MAGI1: variants seen among roughly 807,000 people sequenced by gnomAD.
MAGI1 encodes membrane-associated guanylate kinase, WW and PDZ domain-containing protein 1.
A neutral mutation model predicts 139.9 loss-of-function variants in MAGI1; 58 were observed. That is an observed-to-expected ratio of 0.41 (90% confidence interval 0.34 to 0.52). MAGI1 has a LOEUF of 0.52. MAGI1 is among the 20% of genes least tolerant of loss of function. The probability of loss-of-function intolerance (pLI) is 0.12; values close to 1 mark genes in which losing one functional copy is unlikely to be tolerated. For missense variants in MAGI1, 1,874 were observed against 1,901.6 expected (o/e 0.99, Z 0.27); for synonymous variants, 812 against 737.9 (o/e 1.10, Z -1.63).
rs148085205 is a variant in MAGI1 at position 65,459,902 on chromosome 3, G to A, written c.960-6562C>T. Among the ~76,000 whole-genome samples the A allele has an allele frequency of 4.8e-3, 729 of 152,098 alleles. 4 individuals carry two copies. The highest frequency in any genetic ancestry group is 0.017 in the African/African-American group (699 of 41,474). Reference sequence around the variant, plus strand: ...TTAACACCACTGCACTCCAACATGGGCAACAGGAGTGAGACCCTGTCTCAA... The same window carrying A: ...TTAACACCACTGCACTCCAACATGGACAACAGGAGTGAGACCCTGTCTCAA... On this transcript the variant is annotated intron_variant, in intron 5 of 22. Coordinates refer to ENST00000402939, the MANE Select transcript of MAGI1 (RefSeq NM_001033057.2).
At chr3:65,618,536 C>A (rs527955377) in intron 2 of MAGI1, among the ~76,000 whole-genome samples, 43 of 152,166 alleles carry the variant, frequency 2.8e-4, no homozygotes, top group Non-Finnish European at 5.9e-4. Flanking sequence ...TTATTTTAAG[C>A]AACTAGAGCT....
intron 1 of MAGI1, among the ~76,000 whole-genome samples, chr3:65,729,084 T>C (rs1486491122): frequency 1.7e-5 from 2 of 119,510 alleles, no homozygotes; most frequent in African/African-American, 3.2e-5. Flanking sequence ...TAAAAACAAA[T>C]CTGTCCTACA....
At chr3:65,785,203 T>C (rs1360188216) in intron 1 of MAGI1, among the ~76,000 whole-genome samples, 2 of 147,770 alleles carry the variant, frequency 1.4e-5, no homozygotes, top group Admixed American at 1.3e-4. Context: ...AATTTTTATT[T>C]AAGGAAGTAG....
chr3:65,580,440 A>T (rs2081365124), intron 2 of MAGI1, among the ~76,000 whole-genome samples: 1 of 152,180 alleles, frequency 6.6e-6, no homozygotes, highest in Non-Finnish European at 1.5e-5. Flanking sequence ...GCAAATCGAT[A>T]CACAGTGACC....
chr3:65,845,375 T>C (rs80304869), intron 1 of MAGI1, among the ~76,000 whole-genome samples: 2,535 of 152,150 alleles, frequency 0.017, 69 homozygotes, highest in African/African-American at 0.054. Context: ...TATCTGACCA[T>C]CACTTACTAT....
At chr3:65,613,982 C>T (rs1197729210) in intron 2 of MAGI1, among the ~76,000 whole-genome samples, 1 of 152,136 alleles carries the variant, frequency 6.6e-6, no homozygotes, top group African/African-American at 2.4e-5. Flanking sequence ...TACAAAGTAT[C>T]AAGCTCATGG....
chr3:65,725,325 A>C (rs1421290514), intron 1 of MAGI1, among the ~76,000 whole-genome samples: 1 of 152,194 alleles, frequency 6.6e-6, no homozygotes, highest in African/African-American at 2.4e-5. Context: ...TCTGAAAAAC[A>C]GGGAGAGTAA....
intron 1 of MAGI1, among the ~76,000 whole-genome samples, chr3:65,695,819 A>G (rs1366141744): frequency 1.3e-5 from 2 of 152,226 alleles, no homozygotes; most frequent in Non-Finnish European, 2.9e-5. Context: ...CATCCAGGAC[A>G]CTGGGAAAGG....
At chr3:65,445,085 C>T (rs1948593440) in intron 7 of MAGI1, among the ~76,000 whole-genome samples, 3 of 152,180 alleles carry the variant, frequency 2.0e-5, no homozygotes, top group South Asian at 2.1e-4. Context: ...AAGGAATCCT[C>T]GTATGACTAA....
intron 1 of MAGI1, among the ~76,000 whole-genome samples, chr3:65,921,834 A>T (rs1242149679): frequency 6.6e-6 from 1 of 151,574 alleles, no homozygotes; most frequent in Non-Finnish European, 1.5e-5. Flanking sequence ...TGAGCCCAGG[A>T]GGTTGAGGCT....
intron 1 of MAGI1, among the ~76,000 whole-genome samples, chr3:65,677,641 C>G (rs1437393249): frequency 6.6e-6 from 1 of 152,190 alleles, no homozygotes; most frequent in East Asian, 1.9e-4. Flanking sequence ...TTCCTTCACT[C>G]TCCACACCTC....
intron 8 of MAGI1, among the ~76,000 whole-genome samples, chr3:65,440,708 T>C (rs770924302): frequency 7.9e-5 from 12 of 151,900 alleles, no homozygotes; most frequent in Non-Finnish European, 1.2e-4. Context: ...AGAATCCAAA[T>C]AAAGTTAACC....
intron 1 of MAGI1, among the ~76,000 whole-genome samples, chr3:65,768,174 C>T (rs1045662419): frequency 1.3e-5 from 2 of 152,168 alleles, no homozygotes; most frequent in Non-Finnish European, 2.9e-5. Context: ...AATCCCAGCA[C>T]TTTGGGAGGC....
chr3:65,571,390 G>A (rs977034837), intron 2 of MAGI1, among the ~76,000 whole-genome samples: 6 of 152,068 alleles, frequency 3.9e-5, no homozygotes. Flanking sequence ...TACATGTGAT[G>A]AGGGCTTATC....
chr3:65,779,851 G>A (rs1257368458), intron 1 of MAGI1, among the ~76,000 whole-genome samples: 1 of 152,126 alleles, frequency 6.6e-6, no homozygotes, highest in Non-Finnish European at 1.5e-5. Flanking sequence ...TTTCTTACCA[G>A]CTAGTTCCTG....
intron 6 of MAGI1, 151 bp downstream of exon 6, chr3:65,453,107 C>T: frequency 3.0e-6 from 2 of 657,282 alleles, no homozygotes; most frequent in South Asian, 1.9e-5. Context: ...TTTCTTCCTG[C>T]TTTTGTAAAC....
chr3:65,855,412 A>T (rs2059341112), intron 1 of MAGI1, among the ~76,000 whole-genome samples: 1 of 151,270 alleles, frequency 6.6e-6, no homozygotes, highest in Admixed American at 6.6e-5. Context: ...CCCCATCTCT[A>T]CAAATAAAAT....
At chr3:65,857,131 G>T (rs1046934516) in intron 1 of MAGI1, among the ~76,000 whole-genome samples, 1 of 152,184 alleles carries the variant, frequency 6.6e-6, no homozygotes, top group Non-Finnish European at 1.5e-5. Flanking sequence ...CTCAATAGCA[G>T]TTGGCCTTTG....
At chr3:65,761,778 G>T (rs1165608295) in intron 1 of MAGI1, among the ~76,000 whole-genome samples, 2 of 152,100 alleles carry the variant, frequency 1.3e-5, no homozygotes, top group Admixed American at 6.6e-5. Flanking sequence ...TTGCCTCTCA[G>T]TACCACTCAC....
Sources: allele counts gnomAD v4.1 joint callset (sites outside exome capture counted in the v4.1 genomes callset), GRCh38; gene constraint gnomAD v4.1.1; transcripts MANE v1.5; gene names NCBI Gene and HGNC (gene_info 2026-07-23, HGNC 2026-07-21).